The following ARHGAP24 variants were observed in gnomAD, a reference collection of about 807,000 sequenced individuals.
ARHGAP24 encodes Rho GTPase activating protein 24.
In ARHGAP24, 50 loss-of-function variants were observed where a neutral mutation model predicts 76.4. The ratio of observed to expected loss-of-function variants is 0.65; its 90% confidence interval spans 0.52 to 0.83. The LOEUF (loss-of-function observed/expected upper bound fraction) is 0.83. Ranked by LOEUF, ARHGAP24 falls within the 40% of genes least tolerant of loss-of-function variation. The probability of loss-of-function intolerance (pLI) is 0.00; values close to 1 mark genes in which losing one functional copy is unlikely to be tolerated. For missense variants in ARHGAP24, 930 were observed against 914.2 expected (o/e 1.02, Z -0.22); for synonymous variants, 345 against 323.3 (o/e 1.07, Z -0.72).
At chr4:85,797,045 G>A (rs913228688) in intron 3 of ARHGAP24, among the ~76,000 whole-genome samples, 13 of 152,172 alleles carry the variant, frequency 8.5e-5, no homozygotes, top group African/African-American at 3.1e-4. Context: ...TGCGGAGCCA[G>A]CATACAGGCT....
At chr4:85,645,010 A>G (rs1226294180) in intron 2 of ARHGAP24, among the ~76,000 whole-genome samples, 1 of 152,116 alleles carries the variant, frequency 6.6e-6, no homozygotes, top group African/African-American at 2.4e-5. Flanking sequence ...ACTTTAAAAA[A>G]TTGACTATTA....
At chr4:85,838,957 G>A (rs768347206) in intron 3 of ARHGAP24, among the ~76,000 whole-genome samples, 1 of 152,142 alleles carries the variant, frequency 6.6e-6, no homozygotes, top group Non-Finnish European at 1.5e-5. Context: ...GATCAATATT[G>A]AGTTCTATCA....
Position 85,994,898 on chromosome 4 carries a change from GCCCCCCT to G in ARHGAP24, c.1246_1252del (p.Pro416SerfsTer15). On this transcript the variant is annotated frameshift_variant, in exon 9 of 10. Transcript: ENST00000395184. LOFTEE classifies it high-confidence loss of function. The stretch of plus-strand genomic sequence containing the variant: ...GTTCACAAGCTAGATGTGTCTAGAA[GCCCCCCT>G]CTCATGGTCAAAAAGAACCCAGCCT... The G allele has an allele frequency of 6.2e-7, 1 of 1,614,028 alleles. No individual in the cohort carries two copies. Among genetic ancestry groups the G allele is most frequent in the Non-Finnish European group, 8.5e-7 (1 of 1,180,016 alleles).
chr4:85,941,987 A>C, intron 4 of ARHGAP24, 79 bp from the exon 5 acceptor site: 2 of 1,402,970 alleles, frequency 1.4e-6, no homozygotes, highest in South Asian at 2.5e-5. Context: ...TTTTTCTGTT[A>C]TATTGAATTA....
intron 8 of ARHGAP24, among the ~76,000 whole-genome samples, chr4:85,985,060 G>A (rs1230719959): frequency 6.6e-6 from 1 of 152,126 alleles, no homozygotes; most frequent in Non-Finnish European, 1.5e-5. Flanking sequence ...GACCTCAGGT[G>A]ATCTGCCCAC....
At chr4:85,693,445 A>G (rs1723746410) in intron 2 of ARHGAP24, among the ~76,000 whole-genome samples, 1 of 152,104 alleles carries the variant, frequency 6.6e-6, no homozygotes, top group Non-Finnish European at 1.5e-5. Context: ...TCAGTCTCTG[A>G]GAGTGTGGGT....
chr4:85,666,447 C>CT (rs758397568), intron 2 of ARHGAP24, among the ~76,000 whole-genome samples: 41 of 152,266 alleles, frequency 2.7e-4, no homozygotes, highest in Non-Finnish European at 5.0e-4. Context: ...GAATTTCCTC[C>CT]TGTAGCTCAG....
chr4:85,485,086 T>C (rs1248447833), intron 1 of ARHGAP24, among the ~76,000 whole-genome samples: 2 of 151,700 alleles, frequency 1.3e-5, no homozygotes, highest in Non-Finnish European at 2.9e-5. Context: ...GGCTCACGCC[T>C]GTAAGCCCAG....
chr4:85,947,954 G>C (rs1271084792), intron 5 of ARHGAP24, among the ~76,000 whole-genome samples: 1 of 152,060 alleles, frequency 6.6e-6, no homozygotes, highest in African/African-American at 2.4e-5. Context: ...ATTACAAATA[G>C]TTTATAAGGA....
At chr4:85,960,442 A>G (rs755251246) in intron 5 of ARHGAP24, among the ~76,000 whole-genome samples, 1 of 152,164 alleles carries the variant, frequency 6.6e-6, no homozygotes, top group Non-Finnish European at 1.5e-5. Flanking sequence ...ATTCATTGAA[A>G]ACTCTGTGTT....
intron 5 of ARHGAP24, among the ~76,000 whole-genome samples, chr4:85,961,953 A>T (rs1738284078): frequency 6.6e-6 from 1 of 152,082 alleles, no homozygotes; most frequent in Non-Finnish European, 1.5e-5. Context: ...TTCTTCTGAA[A>T]CTCCATCTGC....
At chr4:85,637,486 T>TACA (rs1288245543) in intron 2 of ARHGAP24, among the ~76,000 whole-genome samples, 1 of 152,094 alleles carries the variant, frequency 6.6e-6, no homozygotes, top group Non-Finnish European at 1.5e-5. Context: ...AATAATAGAT[T>TACA]ACAACATCTA....
At position 85,889,495 on chromosome 4, in the gene ARHGAP24, C is replaced by T. The variant is rs192377723; in HGVS notation, c.269-34153C>T. ...AGTGTAAGACCTCATGGAATTAAAG[C>T]AGAAGTGAAACACCTTTTATTCTGT... is the stretch of plus-strand genomic sequence containing the variant. On this transcript the variant is annotated intron_variant, in intron 3 of 9. Coordinates refer to ENST00000395184, the MANE Select transcript of ARHGAP24 (RefSeq NM_001025616.3). 6.4e-3 allele frequency among the ~76,000 whole-genome samples: 972 copies of T among 152,244 alleles called. 8 individuals carry two copies. The highest frequency in any genetic ancestry group is 0.022 in the African/African-American group (924 of 41,538).
chr4:85,991,028 T>C (rs1311947789), intron 8 of ARHGAP24: 1 of 151,976 alleles, frequency 6.6e-6, no homozygotes, highest in Non-Finnish European at 1.5e-5. Flanking sequence ...GTTTTAAGAA[T>C]ATGTAAAGAA....
chr4:85,888,621 A>T (rs12505798), intron 3 of ARHGAP24, among the ~76,000 whole-genome samples: 2,417 of 151,618 alleles, frequency 0.016, 61 homozygotes, highest in African/African-American at 0.054. Context: ...TCTTTTTTTT[A>T]AAAAAAACTT....
At chr4:85,975,260 T>G (rs1296578756) in intron 7 of ARHGAP24, among the ~76,000 whole-genome samples, 1 of 152,228 alleles carries the variant, frequency 6.6e-6, no homozygotes, top group Non-Finnish European at 1.5e-5. Flanking sequence ...AAAAGAAGCA[T>G]GCCACCTTGG....
intron 3 of ARHGAP24, among the ~76,000 whole-genome samples, chr4:85,882,133 A>C (rs991457365): frequency 8.7e-5 from 13 of 149,076 alleles, no homozygotes; most frequent in Non-Finnish European, 1.3e-4. Context: ...TTGTCTTTCC[A>C]ACTCTATGGT....
At chr4:85,978,097 A>G (rs1194863981) in intron 8 of ARHGAP24, among the ~76,000 whole-genome samples, 1 of 152,238 alleles carries the variant, frequency 6.6e-6, no homozygotes, top group Non-Finnish European at 1.5e-5. Context: ...ATGGTCTTTT[A>G]TAAGACAATG....
At chr4:85,699,548 G>A (rs888486917) in intron 2 of ARHGAP24, among the ~76,000 whole-genome samples, 1 of 152,076 alleles carries the variant, frequency 6.6e-6, no homozygotes, top group Non-Finnish European at 1.5e-5. Context: ...GCTGCAGTGA[G>A]CTATGATCAT....
Sources: allele counts gnomAD v4.1 joint callset (sites outside exome capture counted in the v4.1 genomes callset), GRCh38; gene constraint gnomAD v4.1.1; transcripts MANE v1.5; gene names NCBI Gene and HGNC (gene_info 2026-07-23, HGNC 2026-07-21).